RCOR1: variants seen among roughly 807,000 people sequenced by gnomAD.
RCOR1 encodes the protein REST corepressor 1, also known as REST corepressor.
RCOR1 carries 12 observed loss-of-function variants against 64.0 expected under a neutral mutation model. That is an observed-to-expected ratio of 0.19 (90% confidence interval 0.12 to 0.30). The LOEUF (loss-of-function observed/expected upper bound fraction) is 0.30, where lower values mean the gene tolerates loss of function less well. Among genes scored for constraint, RCOR1 ranks in the 10% least tolerant of loss-of-function variants. The pLI is 1.00. For missense variants in RCOR1, 502 were observed against 621.2 expected, an observed-to-expected ratio of 0.81 and a Z score of 2.04; for synonymous variants, 279 against 227.2, an observed-to-expected ratio of 1.23 and a Z score of -2.05.
At chr14:102,676,208 C>T (rs1324222780) in intron 2 of RCOR1, among the ~76,000 whole-genome samples, 2 of 150,634 alleles carry the variant, frequency 1.3e-5, no homozygotes, top group African/African-American at 2.5e-5. Context: ...CATGGCCCAT[C>T]CCCAATGAGC....
In RCOR1 at chr14:102,618,614, A is replaced by G. The variant is rs76852321; in HGVS notation, c.361+25289A>G. ...GGGCAAGAAAGTCGACCCTGTCTCA[A>G]AACTAAACTAAACAAATTTCTCTGG... is the stretch of plus-strand genomic sequence containing the variant. On this transcript the variant is annotated intron_variant, in intron 2 of 11. Transcript: ENST00000262241. Among the ~76,000 whole-genome samples the G allele has an allele frequency of 4.0e-3, 615 of 152,308 alleles. 2 individuals carry two copies. Among genetic ancestry groups the G allele is most frequent in the African/African-American group, 0.014 (588 of 41,572 alleles).
intron 2 of RCOR1, among the ~76,000 whole-genome samples, chr14:102,619,952 T>A (rs10144272): frequency 2.8e-4 from 43 of 152,034 alleles, no homozygotes; most frequent in African/African-American, 1.0e-3. Context: ...TATATCTTTT[T>A]GTATACCTGT....
chr14:102,699,217 T>G (rs1439528031), intron 3 of RCOR1, among the ~76,000 whole-genome samples: 1 of 152,198 alleles, frequency 6.6e-6, no homozygotes, highest in Non-Finnish European at 1.5e-5. Flanking sequence ...CCAGTTATAC[T>G]TTTGTGACAA....
At chr14:102,627,796 CTT>C (rs912243020) in intron 2 of RCOR1, among the ~76,000 whole-genome samples, 1 of 152,030 alleles carries the variant, frequency 6.6e-6, no homozygotes, top group African/African-American at 2.4e-5. Context: ...TAGAGTTGCT[CTT>C]GAGGTGATCA....
intron 8 of RCOR1, among the ~76,000 whole-genome samples, chr14:102,715,067 T>C (rs919270642): frequency 6.6e-6 from 1 of 151,494 alleles, no homozygotes; most frequent in African/African-American, 2.4e-5. Flanking sequence ...GTGGCCACTA[T>C]TCTGATTTTT....
chr14:102,602,556 A>G (rs796418735), intron 2 of RCOR1, among the ~76,000 whole-genome samples: 17 of 151,802 alleles, frequency 1.1e-4, no homozygotes, highest in African/African-American at 4.1e-4. Flanking sequence ...GGCATGTGCT[A>G]CCACGCCTGG....
intron 2 of RCOR1, among the ~76,000 whole-genome samples, chr14:102,641,923 C>T (rs1304007182): frequency 1.3e-5 from 2 of 152,086 alleles, no homozygotes; most frequent in African/African-American, 4.8e-5. Context: ...GAACTTGTAG[C>T]TTCATAGGGA....
chr14:102,593,326 G>T lies in RCOR1; in HGVS notation c.361+1G>T. Reference sequence around the variant, plus strand: ...GCGGTGGTGCCCGACTTCGACCCCGGTGAGTAGCGGCCCCGGCCGGCCGGC... The same window carrying T: ...GCGGTGGTGCCCGACTTCGACCCCGTTGAGTAGCGGCCCCGGCCGGCCGGC... On this transcript the variant is annotated splice_donor_variant, in intron 2 of 11. Transcript: ENST00000262241. LOFTEE classifies it high-confidence loss of function. 6.5e-7 allele frequency: 1 copy of T among 1,542,636 alleles called. No homozygotes were observed.
chr14:102,626,226 T>A (rs1430293316), intron 2 of RCOR1, among the ~76,000 whole-genome samples: 2 of 152,242 alleles, frequency 1.3e-5, no homozygotes, highest in African/African-American at 4.8e-5. Context: ...CTTTGTCTTC[T>A]TGTTTCATTA....
intron 3 of RCOR1, among the ~76,000 whole-genome samples, chr14:102,696,527 A>G (rs1368523148): frequency 1.3e-5 from 2 of 152,242 alleles, no homozygotes; most frequent in Non-Finnish European, 2.9e-5. Context: ...GCCTGGGCCC[A>G]TAGAAACGTG....
intron 2 of RCOR1, among the ~76,000 whole-genome samples, chr14:102,629,495 C>T (rs1214479142): frequency 4.0e-5 from 6 of 150,974 alleles, no homozygotes; most frequent in African/African-American, 1.2e-4. Context: ...ATTTGCCTCT[C>T]AGTAACAAGT....
At chr14:102,646,128 T>C (rs771954975) in intron 2 of RCOR1, among the ~76,000 whole-genome samples, 4 of 152,122 alleles carry the variant, frequency 2.6e-5, no homozygotes, top group Non-Finnish European at 4.4e-5. Context: ...GAAGGTGATA[T>C]GGGGTGGGAG....
At chr14:102,609,025 CTT>C (rs1004210046) in intron 2 of RCOR1, among the ~76,000 whole-genome samples, 97 of 106,986 alleles carry the variant, frequency 9.1e-4, no homozygotes, top group African/African-American at 3.2e-3. Flanking sequence ...CTGTGCTTCA[CTT>C]TTTTTTTTTT....
chr14:102,688,633 A>G (rs1895469350), intron 3 of RCOR1, among the ~76,000 whole-genome samples: 1 of 152,148 alleles, frequency 6.6e-6, no homozygotes, highest in African/African-American at 2.4e-5. Context: ...ACTTGCCCCA[A>G]AGAGATGGAG....
intron 2 of RCOR1, among the ~76,000 whole-genome samples, chr14:102,642,377 A>G (rs967342685): frequency 2.0e-5 from 3 of 152,226 alleles, no homozygotes; most frequent in Non-Finnish European, 2.9e-5. Flanking sequence ...GGCAGGAGGA[A>G]ATTGAAGCGC....
chr14:102,685,668 T>C (rs936628481), intron 3 of RCOR1, among the ~76,000 whole-genome samples: 1 of 152,084 alleles, frequency 6.6e-6, no homozygotes, highest in Non-Finnish European at 1.5e-5. Flanking sequence ...CATTTCAGAA[T>C]AGCTAGAAGA....
chr14:102,651,965 ACTTACACTGGAGGAT>A, intron 2 of RCOR1, among the ~76,000 whole-genome samples: 1 of 152,346 alleles, frequency 6.6e-6, no homozygotes, highest in Non-Finnish European at 1.5e-5. Context: ...ATAAAAGGGA[ACTTACACTGGAGGAT>A]CTTTATGCTG....
At chr14:102,681,460 C>T (rs533656039) in intron 2 of RCOR1, among the ~76,000 whole-genome samples, 58 of 152,256 alleles carry the variant, frequency 3.8e-4, no homozygotes, top group African/African-American at 1.4e-3. Context: ...TTAGAAGTTT[C>T]CTTTCAGGTT....
chr14:102,723,574 G>C (rs936220738), intron 11 of RCOR1, among the ~76,000 whole-genome samples: 1 of 152,326 alleles, frequency 6.6e-6, no homozygotes. Context: ...TCACCCCCAT[G>C]CATAGCTCTG....
Sources: allele counts gnomAD v4.1 joint callset (sites outside exome capture counted in the v4.1 genomes callset), GRCh38; gene constraint gnomAD v4.1.1; transcripts MANE v1.5; gene names NCBI Gene and HGNC (gene_info 2026-07-23, HGNC 2026-07-21).